Variants in ENOX2 observed in about 807,000 individuals in gnomAD.
The protein encoded by ENOX2 is APK1 antigen.
Under a neutral mutation model 45.0 loss-of-function variants are expected in ENOX2, and 36 were observed. That is an observed-to-expected ratio of 0.80 (90% confidence interval 0.61 to 1.06). ENOX2 has a LOEUF of 1.06. ENOX2 is among the 50% of genes least tolerant of loss of function. The pLI, the probability that ENOX2 is intolerant of heterozygous loss-of-function variation, is 0.00. For synonymous variants in ENOX2, 174 were observed against 152.3 expected, an observed-to-expected ratio of 1.14 and a Z score of -1.05; for missense variants, 423 against 462.5, an observed-to-expected ratio of 0.91 and a Z score of 0.78.
chrX:130,632,364 C>CGGGGGG (rs368726852), intron 12 of ENOX2, among the ~76,000 whole-genome samples: 1 of 7,784 alleles, frequency 1.3e-4, no homozygotes, highest in African/African-American at 3.0e-4. Context: ...CAGGAAGGGG[C>CGGGGGG]GGGGGGGGGG....
At chrX:130,725,712 C>A (rs1457371727) in intron 3 of ENOX2, among the ~76,000 whole-genome samples, 5 of 110,723 alleles carry the variant, frequency 4.5e-5, no homozygotes, top group African/African-American at 1.3e-4. Context: ...GTTTTGTTTG[C>A]AGGATTACTA....
At chrX:130,852,108 G>C (rs1028852021) in intron 2 of ENOX2, among the ~76,000 whole-genome samples, 2 of 112,237 alleles carry the variant, frequency 1.8e-5, no homozygotes, top group African/African-American at 6.5e-5. Context: ...AGCAAAGAAA[G>C]AAAACAGAAG....
intron 2 of ENOX2, among the ~76,000 whole-genome samples, chrX:130,856,078 C>A (rs910960200): frequency 2.7e-5 from 3 of 112,094 alleles, no homozygotes; most frequent in Non-Finnish European, 5.6e-5. Flanking sequence ...CATATCCTGC[C>A]AAGAATGCTG....
At chrX:130,850,061 T>C (rs2078179942) in intron 2 of ENOX2, among the ~76,000 whole-genome samples, 1 of 112,092 alleles carries the variant, frequency 8.9e-6, no homozygotes, top group African/African-American at 3.2e-5. Context: ...TCTAATATCC[T>C]ATGACTGTGA....
intron 3 of ENOX2, among the ~76,000 whole-genome samples, chrX:130,751,310 T>A (rs1046400713): frequency 3.4e-4 from 38 of 112,321 alleles, no homozygotes; most frequent in African/African-American, 1.2e-3. Flanking sequence ...TGTGACATTA[T>A]GTGTCCAGCT....
intron 2 of ENOX2, among the ~76,000 whole-genome samples, chrX:130,863,706 A>C (rs1372053284): frequency 1.8e-5 from 2 of 112,508 alleles, no homozygotes; most frequent in Admixed American, 9.4e-5. Flanking sequence ...GGATTCTTAT[A>C]ATTTCAGTTA....
intron 2 of ENOX2, among the ~76,000 whole-genome samples, chrX:130,824,619 A>G (rs766213397): frequency 3.6e-5 from 4 of 111,872 alleles, no homozygotes; most frequent in Non-Finnish European, 7.5e-5. Flanking sequence ...GTTAAAAGAC[A>G]AGCTGCAGGC....
intron 2 of ENOX2, among the ~76,000 whole-genome samples, chrX:130,810,040 G>C (rs970425407): frequency 1.8e-5 from 2 of 110,993 alleles, no homozygotes; most frequent in African/African-American, 6.6e-5. Context: ...ATGATACACG[G>C]AAGAGTGTAA....
chrX:130,881,753 GA>G (rs890858003), intron 2 of ENOX2, among the ~76,000 whole-genome samples: 1 of 106,801 alleles, frequency 9.4e-6, no homozygotes, highest in Non-Finnish European at 1.9e-5. Flanking sequence ...GATGAGTATA[GA>G]AAAAAAAAAT....
intron 2 of ENOX2, among the ~76,000 whole-genome samples, chrX:130,860,154 G>A (rs1478070564): frequency 5.4e-5 from 6 of 110,283 alleles, no homozygotes; most frequent in African/African-American, 1.3e-4. Context: ...ACTGGGTTTC[G>A]CCATGTTGGC....
intron 5 of ENOX2, among the ~76,000 whole-genome samples, chrX:130,684,652 T>G (rs181896380): frequency 8.1e-4 from 91 of 112,039 alleles, no homozygotes; most frequent in Non-Finnish European, 1.1e-3. Context: ...ACCTACTATA[T>G]GTAAGACACT....
Position 130,679,600 on chromosome X carries a change from GTTC to G in ENOX2, c.399_401del (p.Lys133del), listed in dbSNP as rs2037246414. The G allele has an allele frequency of 2.4e-5, 29 of 1,211,083 alleles. No homozygotes were observed. The highest frequency in any genetic ancestry group is 3.0e-5 in the Non-Finnish European group (27 of 894,925). On this transcript the variant is annotated inframe_deletion, in exon 6 of 15. Coordinates refer to ENST00000394363, the MANE Select transcript of ENOX2 (RefSeq NM_006375.4). ...CCTCAGCAAAGCGAATGTGGCAGAA[GTTC>G]TTCTTGCTCTTGCGAATGGCAATGA... is the stretch of plus-strand genomic sequence containing the variant.
chrX:130,827,573 GATT>G (rs1364556539), intron 2 of ENOX2, among the ~76,000 whole-genome samples: 1 of 111,040 alleles, frequency 9.0e-6, no homozygotes, highest in African/African-American at 3.3e-5. Flanking sequence ...TTCCTGTCTT[GATT>G]ATTATATTTT....
chrX:130,687,940 A>C (rs2037489355), intron 5 of ENOX2, among the ~76,000 whole-genome samples: 1 of 112,015 alleles, frequency 8.9e-6, no homozygotes, highest in African/African-American at 3.2e-5. Flanking sequence ...ATTTGTCTGA[A>C]GTCACATGTC....
rs747653220 is a variant in ENOX2, at chrX:130,840,562, T to C, written c.-182-56872A>G. On this transcript the variant is annotated intron_variant, in intron 2 of 14. Transcript: ENST00000394363. ...ATAAATAAATAAATAAATAAATAAATAAAACAGTCTATTAAAACCCTTGGC... is the reference window on the plus strand; with the variant it reads ...ATAAATAAATAAATAAATAAATAAACAAAACAGTCTATTAAAACCCTTGGC... Among the ~76,000 whole-genome samples, 80 of 109,062 alleles carry C rather than the reference T, an allele frequency of 7.3e-4. 1 individual carries two copies. Among genetic ancestry groups the C allele is most frequent in the African/African-American group, 2.5e-3 (76 of 30,054 alleles). 94.7% of individuals were successfully genotyped at this position (109,062 alleles called of 115,157 possible).
chrX:130,631,668 C>A (rs1213799882), intron 12 of ENOX2, 92 bp from the exon 13 acceptor site: 3 of 480,136 alleles, frequency 6.2e-6, no homozygotes, highest in South Asian at 3.7e-5. Flanking sequence ...TAACACAGGA[C>A]CATAAAAACA....
intron 7 of ENOX2, among the ~76,000 whole-genome samples, chrX:130,668,518 T>C (rs2036896783): frequency 1.8e-5 from 2 of 112,171 alleles, no homozygotes; most frequent in South Asian, 7.6e-4. Flanking sequence ...TGTGATTAGT[T>C]AAGATAGTAG....
rs138142762 is a variant in ENOX2 at position 130,875,433 on chromosome X, C to T, written c.-183+26251G>A. 1.0e-3 allele frequency among the ~76,000 whole-genome samples: 111 copies of T among 111,304 alleles called. 1 individual carries two copies. The East Asian group carries it at 0.014, about 14-fold the overall frequency. ...CATAAGGGCAGGCATATAGACAAAA[C>T]AGTGTGGTAACAATGTAAGGGCAGG... On this transcript the variant is annotated intron_variant, in intron 2 of 14. Coordinates refer to ENST00000394363, the MANE Select transcript of ENOX2 (RefSeq NM_006375.4).
intron 3 of ENOX2, among the ~76,000 whole-genome samples, chrX:130,716,661 A>G (rs5977358): frequency 0.052 from 5,872 of 111,960 alleles, 363 homozygotes; most frequent in African/African-American, 0.18. Flanking sequence ...GGCATACTCC[A>G]GGAACAATAC....
Sources: gnomAD v4.1 joint callset for allele counts (sites outside exome capture counted in the v4.1 genomes callset) on GRCh38, gnomAD v4.1.1 for gene constraint, MANE v1.5 for transcripts, NCBI Gene and HGNC (gene_info 2026-07-23, HGNC 2026-07-21) for gene names.